GALNT13: variants seen among roughly 807,000 people sequenced by gnomAD.
GALNT13 encodes the protein polypeptide N-acetylgalactosaminyltransferase 13.
A neutral mutation model predicts 64.2 loss-of-function variants in GALNT13; 28 were observed. The observed-to-expected ratio is 0.44, with a 90% confidence interval of 0.32 to 0.60. GALNT13 has a LOEUF of 0.60. Ranked by LOEUF, GALNT13 falls within the 20% of genes least tolerant of loss-of-function variation. The probability of loss-of-function intolerance (pLI) is 0.05; values close to 1 mark genes in which losing one functional copy is unlikely to be tolerated. For missense variants in GALNT13, 577 were observed against 669.8 expected, an observed-to-expected ratio of 0.86 and a Z score of 1.53; for synonymous variants, 214 against 224.6, an observed-to-expected ratio of 0.95 and a Z score of 0.42.
At chr2:153,988,097 CACAT>C (rs886400667) in intron 3 of GALNT13, among the ~76,000 whole-genome samples, 25 of 151,634 alleles carry the variant, frequency 1.6e-4, no homozygotes, top group Non-Finnish European at 2.7e-4. Flanking sequence ...CACACACACA[CACAT>C]ATACAATTTA....
the GALNT13 span, among the ~76,000 whole-genome samples, chr2:153,518,164 T>G: frequency 6.6e-6 from 1 of 152,152 alleles, no homozygotes; most frequent in Non-Finnish European, 1.5e-5. Flanking sequence ...AGGTTCTTAT[T>G]TTTTCAGTGT....
At chr2:154,147,670 A>G (rs1683698186) in intron 4 of GALNT13, among the ~76,000 whole-genome samples, 1 of 151,892 alleles carries the variant, frequency 6.6e-6, no homozygotes, top group East Asian at 1.9e-4. Flanking sequence ...TATACACTTA[A>G]TAATTCATAT....
chr2:153,403,070 T>G, the GALNT13 span, among the ~76,000 whole-genome samples: 2 of 151,618 alleles, frequency 1.3e-5, no homozygotes, highest in Non-Finnish European at 3.0e-5. Context: ...TATCTACTTT[T>G]GGTCTTTGAT....
At chr2:153,955,114 A>G (rs1692472463) in intron 3 of GALNT13, among the ~76,000 whole-genome samples, 1 of 152,144 alleles carries the variant, frequency 6.6e-6, no homozygotes, top group Non-Finnish European at 1.5e-5. Context: ...ATTAATTTAG[A>G]TTGCAGTTTT....
the GALNT13 span, among the ~76,000 whole-genome samples, chr2:153,718,251 A>G: frequency 6.6e-5 from 10 of 152,318 alleles, no homozygotes; most frequent in Admixed American, 2.0e-4. Flanking sequence ...TAATGGTCCA[A>G]TGCAAAACAC....
chr2:153,859,720 T>G, the GALNT13 span, among the ~76,000 whole-genome samples: 1 of 152,152 alleles, frequency 6.6e-6, no homozygotes, highest in Non-Finnish European at 1.5e-5. Context: ...GGAGACAACT[T>G]TCTAGATGTA....
At chr2:153,411,191 T>TC in the GALNT13 span, among the ~76,000 whole-genome samples, 16 of 148,700 alleles carry the variant, frequency 1.1e-4, no homozygotes, top group East Asian at 2.0e-4. Context: ...TTTTTTTTTT[T>TC]CCTAAACTGA....
chr2:153,553,092 T>A, the GALNT13 span, among the ~76,000 whole-genome samples: 1 of 152,180 alleles, frequency 6.6e-6, no homozygotes, highest in African/African-American at 2.4e-5. Context: ...GAACTGGAGT[T>A]ATTAAAAAGA....
the GALNT13 span, among the ~76,000 whole-genome samples, chr2:153,742,476 T>C: frequency 6.6e-6 from 1 of 152,138 alleles, no homozygotes; most frequent in Admixed American, 6.6e-5. Flanking sequence ...ATACAATGCA[T>C]ATACATAGAA....
intron 8 of GALNT13, among the ~76,000 whole-genome samples, chr2:154,261,234 G>A (rs1690677605): frequency 6.6e-6 from 1 of 152,126 alleles, no homozygotes; most frequent in East Asian, 1.9e-4. Flanking sequence ...GACACAGGAG[G>A]TTTTCTGTGA....
chr2:154,408,725 T>C (rs554418130), intron 10 of GALNT13, among the ~76,000 whole-genome samples: 21 of 152,180 alleles, frequency 1.4e-4, no homozygotes, highest in African/African-American at 4.6e-4. Flanking sequence ...GATACTATGC[T>C]ATAAACAGGG....
At chr2:154,303,551 G>T (rs1693566324) in intron 9 of GALNT13, among the ~76,000 whole-genome samples, 1 of 151,942 alleles carries the variant, frequency 6.6e-6, no homozygotes, top group African/African-American at 2.4e-5. Context: ...TGATTTTAGG[G>T]CTGCTTTTCA....
the GALNT13 span, among the ~76,000 whole-genome samples, chr2:153,597,096 T>C: frequency 6.6e-6 from 1 of 152,142 alleles, no homozygotes; most frequent in African/African-American, 2.4e-5. Flanking sequence ...ACAGTTTTTT[T>C]ACAAAAGGTT....
the GALNT13 span, among the ~76,000 whole-genome samples, chr2:153,278,169 G>T: frequency 2.0e-5 from 3 of 151,730 alleles, no homozygotes; most frequent in Non-Finnish European, 2.9e-5. Flanking sequence ...TCCTGACCTC[G>T]TGATCTGTCC....
intron 9 of GALNT13, among the ~76,000 whole-genome samples, chr2:154,309,206 G>T (rs10490529): frequency 0.051 from 7,728 of 152,184 alleles, 620 homozygotes; most frequent in African/African-American, 0.17. Flanking sequence ...ATGATTCTTA[G>T]GTGAACTGCT....
At chr2:153,885,673 A>G (rs937299919) in intron 1 of GALNT13, among the ~76,000 whole-genome samples, 8 of 152,070 alleles carry the variant, frequency 5.3e-5, no homozygotes, top group African/African-American at 1.2e-4. Flanking sequence ...TGTGCTTGCA[A>G]ATTTACAGAA....
the GALNT13 span, among the ~76,000 whole-genome samples, chr2:153,276,769 A>G: frequency 1.3e-5 from 2 of 152,156 alleles, no homozygotes; most frequent in East Asian, 3.8e-4. Flanking sequence ...ATTGATTAAA[A>G]TGAATTATTT....
chr2:154,136,453 A>T (rs1682955270), intron 3 of GALNT13, among the ~76,000 whole-genome samples: 1 of 152,050 alleles, frequency 6.6e-6, no homozygotes, highest in Non-Finnish European at 1.5e-5. Flanking sequence ...TTTCAAAGAG[A>T]CACTGCCCAC....
At chr2:153,244,199 G>C in the GALNT13 span, among the ~76,000 whole-genome samples, 5 of 152,156 alleles carry the variant, frequency 3.3e-5, no homozygotes, top group South Asian at 1.0e-3. Flanking sequence ...TCCTCTATCA[G>C]AGTAAAGGTT....
Sources: gnomAD v4.1 joint callset for allele counts (sites outside exome capture counted in the v4.1 genomes callset) on GRCh38, gnomAD v4.1.1 for gene constraint, MANE v1.5 for transcripts, NCBI Gene and HGNC (gene_info 2026-07-23, HGNC 2026-07-21) for gene names.